The following PIK3C2A variants were observed in gnomAD, a reference collection of about 807,000 sequenced individuals.
PIK3C2A encodes phosphatidylinositol 4-phosphate 3-kinase C2 domain-containing subunit alpha.
A neutral mutation model predicts 204.5 loss-of-function variants in PIK3C2A; 97 were observed. The ratio of observed to expected loss-of-function variants is 0.47; its 90% CI spans 0.40 to 0.56. PIK3C2A has a LOEUF of 0.56. Ranked by LOEUF, PIK3C2A falls within the 20% of genes least tolerant of loss-of-function variation. The pLI is 0.00. For synonymous variants in PIK3C2A, 653 were observed against 664.4 expected, an observed-to-expected ratio of 0.98 and a Z score of 0.26; for missense variants, 1,735 against 1,969.2, an observed-to-expected ratio of 0.88 and a Z score of 2.25.
At chr11:17,187,144 C>A (rs1851778946) in intron 1 of PIK3C2A, among the ~76,000 whole-genome samples, 1 of 151,994 alleles carries the variant, frequency 6.6e-6, no homozygotes, top group Admixed American at 6.5e-5. Flanking sequence ...GACCTAAAGT[C>A]ATGGAAGTAG....
intron 11 of PIK3C2A, among the ~76,000 whole-genome samples, chr11:17,132,315 ATTTTTTTTTTTTT>A (rs11307715): frequency 1.3e-5 from 1 of 78,814 alleles, no homozygotes. Flanking sequence ...ATTAACTTTA[ATTTTTTTTTTTTT>A]TTTTTTTTTT....
intron 21 of PIK3C2A, 65 bp downstream of exon 21, chr11:17,112,509 G>A: frequency 1.4e-6 from 1 of 712,096 alleles, no homozygotes; most frequent in South Asian, 1.9e-5. Context: ...TTGCAATTTT[G>A]GGAAAGTAAT....
At chr11:17,120,702 T>A (rs2137344521) in intron 15 of PIK3C2A, among the ~76,000 whole-genome samples, 1 of 152,258 alleles carries the variant, frequency 6.6e-6, no homozygotes, top group East Asian at 1.9e-4. Flanking sequence ...TAGATCCTCT[T>A]TTTTCCTTTA....
intron 1 of PIK3C2A, among the ~76,000 whole-genome samples, chr11:17,179,519 A>G (rs527810): frequency 0.57 from 86,981 of 151,930 alleles, 25,221 homozygotes; most frequent in East Asian, 0.82. Context: ...TTTAAAGTAC[A>G]TACTTTCTAA....
intron 2 of PIK3C2A, among the ~76,000 whole-genome samples, chr11:17,158,524 T>A (rs1565280830): frequency 6.6e-6 from 1 of 152,028 alleles, no homozygotes; most frequent in Non-Finnish European, 1.5e-5. Flanking sequence ...ATACAGCTAA[T>A]ATAGGCAGAG....
chr11:17,090,325 G>A (rs933271723), intron 32 of PIK3C2A, among the ~76,000 whole-genome samples: 3 of 152,182 alleles, frequency 2.0e-5, no homozygotes, highest in Non-Finnish European at 4.4e-5. Flanking sequence ...AAATCAGCCA[G>A]GCGTGGTGGC....
In PIK3C2A at chr11:17,169,341, C is replaced by T. The variant is rs1851081434; in HGVS notation, c.401G>A (p.Arg134Lys). The change falls in exon 2 of 33, where the codon AGA becomes AAA. Residue 134 changes from arginine to lysine, a missense_variant. Coordinates refer to ENST00000691414, the MANE Select transcript of PIK3C2A (RefSeq NM_002645.4). ...SPSFSAQLYF[R>K]PTIQRGQWPP... The stretch of plus-strand genomic sequence containing the variant: ...CCACTGTCCTCTCTGAATAGTAGGT[C>T]TAAAATAGAGCTGTGCTGAAAAGGA... The T allele has an allele frequency of 6.2e-7, 1 of 1,613,840 alleles. No homozygotes were observed. Among genetic ancestry groups the T allele is most frequent in the African/African-American group, 1.3e-5 (1 of 74,910 alleles).
chr11:17,112,480 A>G, intron 21 of PIK3C2A, 94 bp downstream of exon 21: 1 of 576,458 alleles, frequency 1.7e-6, no homozygotes, highest in South Asian at 2.3e-5. Context: ...AATAAAAAAA[A>G]TATTAAACAA....
chr11:17,096,088 G>A (rs1848448524), intron 27 of PIK3C2A, among the ~76,000 whole-genome samples: 1 of 151,420 alleles, frequency 6.6e-6, no homozygotes, highest in Non-Finnish European at 1.5e-5. Context: ...GCCCAGCCTG[G>A]AGCGCAATGG....
chr11:17,179,777 C>A (rs1851472292), intron 1 of PIK3C2A, among the ~76,000 whole-genome samples: 1 of 151,970 alleles, frequency 6.6e-6, no homozygotes, highest in South Asian at 2.1e-4. Context: ...CCAGGCCTGG[C>A]TAATGTTTTC....
intron 1 of PIK3C2A, among the ~76,000 whole-genome samples, chr11:17,180,517 AC>A (rs1307769889): frequency 8.1e-5 from 11 of 136,134 alleles, no homozygotes; most frequent in African/African-American, 1.4e-4. Flanking sequence ...AACAACAACA[AC>A]AACAAAAAAC....
chr11:17,118,393 A>G (rs1280584969), intron 18 of PIK3C2A, among the ~76,000 whole-genome samples: 2 of 152,146 alleles, frequency 1.3e-5, no homozygotes, highest in African/African-American at 4.8e-5. Context: ...ATAACCAGAA[A>G]TGTATTTTAA....
At chr11:17,188,576 G>A (rs948471774) in intron 1 of PIK3C2A, among the ~76,000 whole-genome samples, 8 of 146,734 alleles carry the variant, frequency 5.5e-5, no homozygotes, top group East Asian at 1.9e-4. Flanking sequence ...ATTCTAAGGC[G>A]TGGTGGAGGT....
intron 3 of PIK3C2A, among the ~76,000 whole-genome samples, chr11:17,151,430 G>C (rs1439226109): frequency 1.3e-5 from 2 of 152,162 alleles, no homozygotes; most frequent in Non-Finnish European, 2.9e-5. Context: ...ATGAATGCTA[G>C]AAGTATTGTA....
intron 2 of PIK3C2A, among the ~76,000 whole-genome samples, chr11:17,163,177 G>A (rs1850837735): frequency 6.6e-6 from 1 of 152,076 alleles, no homozygotes; most frequent in Non-Finnish European, 1.5e-5. Flanking sequence ...ATGGTGGCAT[G>A]CACCTGTAGT....
Position 17,169,732 on chromosome 11 carries a change from T to C in PIK3C2A, c.10A>G (p.Ile4Val). 1 of 1,594,774 alleles carries C rather than the reference T, an allele frequency of 6.3e-7. No individual in the cohort carries two copies. Among genetic ancestry groups the C allele is most frequent in the Middle Eastern group, 1.7e-4 (1 of 5,996 alleles). MAQ[I>V]SSNSGFKECP... ...TCTTTAAATCCGCTGTTGCTAGATATCTGAGCCATGTCCACTAAAAAGACC... is the reference window on the plus strand; with the variant it reads ...TCTTTAAATCCGCTGTTGCTAGATACCTGAGCCATGTCCACTAAAAAGACC... Residue 4 changes from isoleucine to valine, a missense_variant, in exon 2 of 33, where the codon ATA becomes GTA. Around this residue, in one of 6 missense-constraint regions of PIK3C2A, gnomAD observed 536 missense variants for 546.7 expected, o/e 0.98. Transcript: ENST00000691414.
At chr11:17,173,749 A>G (rs1224336510) in intron 1 of PIK3C2A, among the ~76,000 whole-genome samples, 1 of 152,232 alleles carries the variant, frequency 6.6e-6, no homozygotes, top group Non-Finnish European at 1.5e-5. Flanking sequence ...ACAACATTTA[A>G]AAGTACCTTG....
intron 8 of PIK3C2A, among the ~76,000 whole-genome samples, chr11:17,141,899 G>T (rs1850075910): frequency 6.6e-6 from 1 of 152,190 alleles, no homozygotes; most frequent in African/African-American, 2.4e-5. Flanking sequence ...AAATGTATAA[G>T]ATCTTTTTCT....
At chr11:17,108,087 G>T (rs1848887131) in intron 22 of PIK3C2A, among the ~76,000 whole-genome samples, 1 of 152,136 alleles carries the variant, frequency 6.6e-6, no homozygotes, top group African/African-American at 2.4e-5. Flanking sequence ...GGCTAGGCTG[G>T]TCTCAAACTT....
Sources: allele counts gnomAD v4.1 joint callset (sites outside exome capture counted in the v4.1 genomes callset), GRCh38; gene constraint gnomAD v4.1.1; regional missense constraint gnomAD v4.1.1; transcripts MANE v1.5; gene names NCBI Gene and HGNC (gene_info 2026-07-23, HGNC 2026-07-21).